Variants in OLFML2B observed in about 807,000 individuals in gnomAD.
OLFML2B encodes olfactomedin-like protein 2B.
OLFML2B carries 57 observed loss-of-function variants against 74.9 expected under a neutral mutation model. The ratio of observed to expected loss-of-function variants is 0.76; its 90% CI spans 0.61 to 0.95. OLFML2B has a LOEUF of 0.95. OLFML2B is among the 40% of genes least tolerant of loss of function. OLFML2B has a pLI of 0.00. For synonymous variants in OLFML2B, 388 were observed against 405.8 expected (o/e 0.96, Z 0.53); for missense variants, 986 against 970.6 (o/e 1.02, Z -0.21).
At position 162,023,281 on chromosome 1, in the gene OLFML2B, G is replaced by A. The variant is rs777349963; in HGVS notation, c.150C>T (p.Asp50=). ...CCTGAGATAAAACGTTCTCCTGGTT[G>A]TCCGCCTCGTTTTGCAGAGTCTCGT... ...AEDETLQNEA[D]NQENVLSQLL... The change falls in exon 1 of 8, where the codon GAC becomes GAT. Residue 50 remains aspartate, a synonymous_variant. Transcript: ENST00000294794. 1 of 1,562,670 alleles carries A rather than the reference G, an allele frequency of 6.4e-7. No individual in the cohort carries two copies. Among genetic ancestry groups the A allele is most frequent in the South Asian group, 1.2e-5 (1 of 85,532 alleles).
chr1:162,004,411 A>T (rs1372639322), intron 4 of OLFML2B, among the ~76,000 whole-genome samples: 5 of 152,228 alleles, frequency 3.3e-5, no homozygotes, highest in Non-Finnish European at 7.3e-5. Flanking sequence ...TTTCCAAAAA[A>T]GCACCAAAGT....
chr1:161,991,837 T>C (rs1454052120), intron 6 of OLFML2B, among the ~76,000 whole-genome samples: 4 of 152,264 alleles, frequency 2.6e-5, no homozygotes, highest in Non-Finnish European at 4.4e-5. Context: ...AGCTTTGTTG[T>C]TCCATGTATA....
intron 6 of OLFML2B, among the ~76,000 whole-genome samples, chr1:161,995,385 G>A (rs1214218525): frequency 2.0e-5 from 3 of 152,158 alleles, no homozygotes; most frequent in South Asian, 2.1e-4. Flanking sequence ...ACCTTACATC[G>A]TCAGCATGAT....
intron 6 of OLFML2B, among the ~76,000 whole-genome samples, chr1:161,993,079 G>A (rs1278507681): frequency 1.3e-5 from 2 of 151,778 alleles, no homozygotes; most frequent in Non-Finnish European, 2.9e-5. Flanking sequence ...ACCATAAGGA[G>A]AGAGAGACAG....
At position 161,984,868 on chromosome 1, in the gene OLFML2B, G is replaced by T; in HGVS notation, c.1587C>A (p.Tyr529Ter). The T allele has an allele frequency of 2.5e-6, 4 of 1,612,762 alleles. No homozygotes were observed. The highest frequency in any genetic ancestry group is 3.4e-6 in the Non-Finnish European group (4 of 1,179,826). ...TGTTGCCGTAGTAATAGTTGGTTAC[G>T]TAAATCCGCTCATCCTTGGCCAGGG... is the stretch of plus-strand genomic sequence containing the variant. ...KDPLAKDERI[Y>*]VTNYYYGNTL... Residue 529 changes from tyrosine to a stop codon, truncating the protein, a stop_gained, in exon 7 of 8, where the codon TAC becomes TAA. Transcript: ENST00000294794. LOFTEE classifies it high-confidence loss of function.
chr1:162,001,505 A>C (rs1264670193), intron 4 of OLFML2B, among the ~76,000 whole-genome samples: 1 of 152,218 alleles, frequency 6.6e-6, no homozygotes, highest in Non-Finnish European at 1.5e-5. Context: ...TTTGAGGATG[A>C]AAGTCACTAA....
At chr1:161,990,988 CA>C in intron 6 of OLFML2B, among the ~76,000 whole-genome samples, 1 of 152,316 alleles carries the variant, frequency 6.6e-6, no homozygotes, top group East Asian at 1.9e-4. Context: ...CAAGTTTGAT[CA>C]TCAGATTGCA....
intron 6 of OLFML2B, among the ~76,000 whole-genome samples, chr1:161,985,889 C>T (rs540666927): frequency 1.4e-4 from 21 of 152,254 alleles, no homozygotes; most frequent in Non-Finnish European, 2.6e-4. Flanking sequence ...GCTCTGGATC[C>T]GGTGCCCAGG....
chr1:161,992,707 G>A (rs535910944), intron 6 of OLFML2B, among the ~76,000 whole-genome samples: 47 of 152,226 alleles, frequency 3.1e-4, no homozygotes, highest in Non-Finnish European at 5.1e-4. Context: ...GGGAATGCCA[G>A]TTGGGGGAGC....
intron 6 of OLFML2B, among the ~76,000 whole-genome samples, chr1:161,995,210 A>G (rs1308799405): frequency 6.8e-6 from 1 of 146,596 alleles, no homozygotes; most frequent in East Asian, 2.0e-4. Context: ...AAGCTAGACA[A>G]TGCCTAGACA....
intron 5 of OLFML2B, among the ~76,000 whole-genome samples, chr1:161,999,470 C>T (rs188710846): frequency 2.0e-5 from 3 of 152,228 alleles, no homozygotes; most frequent in South Asian, 4.1e-4. Flanking sequence ...AGCAAGGAGA[C>T]AGACAGGAAG....
intron 4 of OLFML2B, among the ~76,000 whole-genome samples, chr1:162,002,038 G>C (rs749604656): frequency 6.6e-6 from 1 of 152,170 alleles, no homozygotes; most frequent in Non-Finnish European, 1.5e-5. Context: ...ACAGTGTGGC[G>C]GGATCTCTGG....
chr1:162,014,939 C>T (rs1440989900), intron 3 of OLFML2B, among the ~76,000 whole-genome samples: 6 of 152,104 alleles, frequency 3.9e-5, no homozygotes, highest in Non-Finnish European at 7.3e-5. Context: ...GGACAGATGG[C>T]AATGATTTGA....
chr1:161,993,520 C>A (rs1220820085), intron 6 of OLFML2B, among the ~76,000 whole-genome samples: 2 of 152,226 alleles, frequency 1.3e-5, no homozygotes, highest in Non-Finnish European at 2.9e-5. Context: ...TGATGGTCCA[C>A]TTAATACTGG....
At position 162,020,173 on chromosome 1, in the gene OLFML2B, C is replaced by A. The variant is rs754071752; in HGVS notation, c.184G>T (p.Asp62Tyr). Residue 62 changes from aspartate (D) to tyrosine (Y), a missense_variant, in exon 2 of 8, where the codon GAC becomes TAC. Coordinates refer to ENST00000294794, the MANE Select transcript of OLFML2B (RefSeq NM_015441.3). ...QENVLSQLLG[D>Y]YDKVKAMSEG... ...GACATAGCCTTGACCTTGTCATAGTCCCCCAGCAACTAGACACACAGAAAA... is the reference window on the plus strand; with the variant it reads ...GACATAGCCTTGACCTTGTCATAGTACCCCAGCAACTAGACACACAGAAAA... The A allele has an allele frequency of 1.2e-6, 2 of 1,613,954 alleles. No homozygotes were observed. Among genetic ancestry groups the A allele is most frequent in the Non-Finnish European group, 1.7e-6 (2 of 1,179,858 alleles).
At chr1:162,006,187 G>A in intron 4 of OLFML2B, 110 bp downstream of exon 4, 2 of 1,009,034 alleles carry the variant, frequency 2.0e-6, no homozygotes, top group Non-Finnish European at 1.4e-6. Flanking sequence ...GATGAAGCGA[G>A]CTCATCTCTG....
intron 6 of OLFML2B, among the ~76,000 whole-genome samples, chr1:161,993,023 C>T (rs1320471005): frequency 6.6e-6 from 1 of 151,882 alleles, no homozygotes. Context: ...ATGGGGCATG[C>T]CTGTATGTCT....
chr1:161,993,731 T>C (rs1047938905), intron 6 of OLFML2B, among the ~76,000 whole-genome samples: 1 of 152,208 alleles, frequency 6.6e-6, no homozygotes, highest in African/African-American at 2.4e-5. Flanking sequence ...CTCTTGGCTC[T>C]GCCTGGAGAG....
At chr1:162,022,674 G>A (rs531249775) in intron 1 of OLFML2B, among the ~76,000 whole-genome samples, 24 of 152,194 alleles carry the variant, frequency 1.6e-4, no homozygotes, top group Admixed American at 1.2e-3. Context: ...ACTATCATGG[G>A]TTACTCGGGC....
Sources: allele counts gnomAD v4.1 joint callset (sites outside exome capture counted in the v4.1 genomes callset), GRCh38; gene constraint gnomAD v4.1.1; transcripts MANE v1.5; gene names NCBI Gene and HGNC (gene_info 2026-07-23, HGNC 2026-07-21).